NBPF9: variants seen among roughly 807,000 people sequenced by gnomAD.
NBPF9 encodes the protein NBPF family member NBPF9.
NBPF9 carries 91 observed loss-of-function variants against 97.8 expected under a neutral mutation model. The observed-to-expected ratio is 0.93, with a 90% CI of 0.79 to 1.11. The LOEUF (loss-of-function observed/expected upper bound fraction) is 1.11, where lower values mean the gene tolerates loss of function less well. Among genes scored for constraint, NBPF9 ranks in the 50% least tolerant of loss-of-function variants. The pLI, the probability that NBPF9 is intolerant of heterozygous loss-of-function variation, is 0.00. For synonymous variants in NBPF9, 334 were observed against 359.5 expected (o/e 0.93, Z 0.80); for missense variants, 992 against 939.5 (o/e 1.06, Z -0.73).
chr1:149,071,537 G>A (rs2079410887), intron 15 of NBPF9, 67 bp downstream of exon 15: 2 of 936,738 alleles, frequency 2.1e-6, no homozygotes, highest in Admixed American at 1.8e-5. Context: ...ATGCCAGAGA[G>A]GGTGTGCCTC....
rs374430237 is a variant in NBPF9, at chr1:149,088,757, G to A, written c.-195+1996C>T. Reference sequence around the variant, plus strand: ...AAAGAGGCCGGGCATGGTGGCTCACGCCTGTAATCCCAGCACTTTGGGAGG... The same window carrying A: ...AAAGAGGCCGGGCATGGTGGCTCACACCTGTAATCCCAGCACTTTGGGAGG... On this transcript the variant is annotated intron_variant, in intron 5 of 29. Transcript: ENST00000584027. Among the ~76,000 whole-genome samples, 119 of 152,048 alleles carry A rather than the reference G, an allele frequency of 7.8e-4. 2 individuals are homozygous for A. Among genetic ancestry groups the A allele is most frequent in the Middle Eastern group, 3.4e-3 (1 of 294 alleles).
At chr1:149,055,831 G>A in exon 30 of NBPF9, 3 of 1,605,596 alleles carry the variant, frequency 1.9e-6, no homozygotes, top group East Asian at 2.4e-5. Context: ...TGACGGAGTA[G>A]AATAACATCC....
At chr1:149,062,837 A>G (rs1553650462) in intron 21 of NBPF9, 25 bp downstream of exon 21, 3 of 667,710 alleles carry the variant, frequency 4.5e-6, no homozygotes, top group Admixed American at 5.2e-5. Flanking sequence ...CACAGAATTA[A>G]GCATCCATAA....
intron 8 of NBPF9, among the ~76,000 whole-genome samples, chr1:149,079,590 T>C (rs1259698959): frequency 9.5e-5 from 14 of 147,754 alleles, no homozygotes; most frequent in Non-Finnish European, 2.1e-4. Context: ...CAAAGCCATG[T>C]ACAGAAATGA....
At chr1:149,088,494 T>C (rs2081191014) in intron 5 of NBPF9, among the ~76,000 whole-genome samples, 1 of 152,208 alleles carries the variant, frequency 6.6e-6, no homozygotes, top group African/African-American at 2.4e-5. Context: ...TAGAAAAGCA[T>C]TCAATCTTAT....
chr1:149,059,755 T>C lies in NBPF9; in HGVS notation c.2530A>G (p.Lys844Glu), dbSNP rs1465143189. 89 of 577,416 alleles carry C rather than the reference T, an allele frequency of 1.5e-4. 16 individuals carry two copies. Among genetic ancestry groups the C allele is most frequent in the East Asian group, 1.3e-3 (50 of 37,214 alleles). The allele number at this position is 577,416 out of a possible 1,614,324, so 35.8% of individuals were successfully genotyped here. ...CCTTCTTTTCTTCCCCTTCTTCTTTTCTTCTTTGATCTTCTTCCCCTTCTT... is the reference window on the plus strand; with the variant it reads ...CCTTCTTTTCTTCCCCTTCTTCTTTCCTTCTTTGATCTTCTTCCCCTTCTT... The change falls in exon 25 of 30, where the codon AAA becomes GAA. Residue 844 changes from lysine to glutamate, a missense_variant. This residue lies in a region of NBPF9 where 397 missense variants were observed against 213.6 expected (regional missense o/e 1.86). Coordinates refer to ENST00000584027, the Ensembl canonical transcript of NBPF9.
intron 5 of NBPF9, among the ~76,000 whole-genome samples, chr1:149,086,435 G>C (rs1259681402): frequency 6.7e-6 from 1 of 148,230 alleles, no homozygotes; most frequent in Non-Finnish European, 1.5e-5. Flanking sequence ...GAGTTTTATT[G>C]GGGGTCTGAA....
chr1:149,063,000 T>C lies in NBPF9; in HGVS notation c.2027-87A>G, dbSNP rs1239505472. On this transcript the variant is annotated intron_variant, in intron 20 of 29. Coordinates refer to ENST00000584027, the Ensembl canonical transcript of NBPF9. Reference sequence around the variant, plus strand: ...CACTGTCTAATCCTCACACAGGGACTTCAGGCTCCTCAGCATGAGAATAGG... The same window carrying C: ...CACTGTCTAATCCTCACACAGGGACCTCAGGCTCCTCAGCATGAGAATAGG... 3,763 of 612,294 alleles carry C rather than the reference T, an allele frequency of 6.1e-3. 130 individuals carry two copies. The African/African-American group carries it at 0.068, about 11-fold the overall frequency. 37.9% of individuals were successfully genotyped at this position (612,294 alleles called of 1,614,324 possible). A position where few individuals can be genotyped will look rare whatever the true frequency, so the allele number is the denominator to read the frequency against.
chr1:149,087,481 A>T (rs1383523496), intron 5 of NBPF9, among the ~76,000 whole-genome samples: 6 of 150,358 alleles, frequency 4.0e-5, no homozygotes, highest in Admixed American at 2.7e-4. Flanking sequence ...TCAACAAAAC[A>T]CATAATCTTG....
At chr1:149,103,157 G>T (rs1194848060) in intron 1 of NBPF9, 144 bp downstream of exon 1, 1 of 150,906 alleles carries the variant, frequency 6.6e-6, no homozygotes, top group Admixed American at 6.6e-5. Context: ...CCCCGGCGGG[G>T]CCGGAACACA....
At chr1:149,089,639 A>G (rs1366982064) in intron 5 of NBPF9, among the ~76,000 whole-genome samples, 3 of 152,310 alleles carry the variant, frequency 2.0e-5, no homozygotes, top group Non-Finnish European at 4.4e-5. Context: ...TAATAACGCT[A>G]GGTGACACTA....
At chr1:149,062,728 A>T in intron 21 of NBPF9, 134 bp downstream of exon 21, 1 of 753,992 alleles carries the variant, frequency 1.3e-6, no homozygotes, top group Non-Finnish European at 2.4e-6. Flanking sequence ...CTGCAATGAA[A>T]ACCAACAGCA....
exon 22 of NBPF9, chr1:149,062,234 G>C (rs781898684): frequency 1.6e-5 from 15 of 933,950 alleles, no homozygotes; most frequent in South Asian, 1.3e-4. Context: ...AAGACTTCAG[G>C]CTCTTTCTCA....
intron 24 of NBPF9, 198 bp downstream of exon 24, chr1:149,060,325 A>C: frequency 2.3e-6 from 1 of 431,638 alleles, no homozygotes; most frequent in Non-Finnish European, 4.3e-6. Flanking sequence ...TGAGACTAGG[A>C]AGAGAGTCTT....
At chr1:149,062,421 C>T (rs1484774739) in intron 21 of NBPF9, among the ~76,000 whole-genome samples, 156 bp from the exon 22 acceptor site, 1 of 142,328 alleles carries the variant, frequency 7.0e-6, no homozygotes, top group Non-Finnish European at 1.5e-5. Flanking sequence ...TTGGGATAGA[C>T]CAGGGTCAGG....
intron 25 of NBPF9, 99 bp from the exon 26 acceptor site, chr1:149,059,196 GA>G: frequency 4.6e-6 from 2 of 431,268 alleles, no homozygotes; most frequent in South Asian, 2.5e-5. Context: ...TGTTTAAAAA[GA>G]AAAAGGACAG....
chr1:149,068,402 C>T (rs1157510237), intron 17 of NBPF9, among the ~76,000 whole-genome samples: 4 of 150,692 alleles, frequency 2.7e-5, no homozygotes, highest in South Asian at 2.1e-4. Context: ...CAGAGACACA[C>T]ATAGGCTCAA....
intron 27 of NBPF9, among the ~76,000 whole-genome samples, chr1:149,057,752 C>CACACACACAG (rs1452697926): frequency 1.6e-5 from 1 of 64,312 alleles, no homozygotes; most frequent in Non-Finnish European, 3.2e-5. Context: ...CACACACACA[C>CACACACACAG]AGAGAGAGAG....
Position 149,070,896 on chromosome 1 carries a change from T to C in NBPF9, c.1585+38A>G, listed in dbSNP as rs1553652754. 6 of 1,588,218 alleles carry C rather than the reference T, an allele frequency of 3.8e-6. No homozygotes were observed. The African/African-American group carries it at 6.7e-5, about 18-fold the overall frequency. On this transcript the variant is annotated intron_variant, in intron 16 of 29. Transcript: ENST00000584027. Reference sequence around the variant, plus strand: ...TCTTCAGAGTTTATCTTCCTCAGCCTAGAGAGAGGTATGAGACACAAGGAA... The same window carrying C: ...TCTTCAGAGTTTATCTTCCTCAGCCCAGAGAGAGGTATGAGACACAAGGAA...
Sources: gnomAD v4.1 joint callset for allele counts (sites outside exome capture counted in the v4.1 genomes callset) on GRCh38, gnomAD v4.1.1 for gene constraint, gnomAD v4.1.1 regional missense constraint, MANE v1.5 for transcripts, NCBI Gene and HGNC (gene_info 2026-07-23, HGNC 2026-07-21) for gene names.